Variants in CRYBG2 observed in about 807,000 individuals in gnomAD.
CRYBG2 encodes beta/gamma crystallin domain-containing protein 2.
A neutral mutation model predicts 153.4 loss-of-function variants in CRYBG2; 106 were observed. The observed-to-expected ratio is 0.69, with a 90% confidence interval of 0.59 to 0.81. The LOEUF is 0.81. Ranked by LOEUF, CRYBG2 falls within the 30% of genes least tolerant of loss-of-function variation. The pLI is 0.00. For missense variants in CRYBG2, 1,996 were observed against 2,112.0 expected, an observed-to-expected ratio of 0.95 and a Z score of 1.08; for synonymous variants, 851 against 877.8, an observed-to-expected ratio of 0.97 and a Z score of 0.54.
At chr1:26,334,862 C>A (rs924226882) in intron 14 of CRYBG2, among the ~76,000 whole-genome samples, 11 of 152,054 alleles carry the variant, frequency 7.2e-5, no homozygotes, top group Non-Finnish European at 1.3e-4. Flanking sequence ...GCAGAGGCTG[C>A]AGTGAGCTGA....
At chr1:26,339,751 A>G (rs2124707533) in intron 5 of CRYBG2, among the ~76,000 whole-genome samples, 1 of 152,040 alleles carries the variant, frequency 6.6e-6, no homozygotes, top group East Asian at 1.9e-4. Context: ...CAAAAAAAAA[A>G]AAGAAAGAAA....
chr1:26,330,979 C>T (rs1348433733), intron 15 of CRYBG2, among the ~76,000 whole-genome samples: 1 of 152,200 alleles, frequency 6.6e-6, no homozygotes, highest in Non-Finnish European at 1.5e-5. Flanking sequence ...CCCGTCACTT[C>T]CATCCATCTC....
In CRYBG2 at chr1:26,337,266, C is replaced by T; in HGVS notation, c.3758G>A (p.Arg1253Gln). The change falls in exon 10 of 20, where the codon CGG becomes CAG. Residue 1253 changes from arginine to glutamine, a missense_variant. Transcript: ENST00000308182. The stretch of plus-strand genomic sequence containing the variant: ...GCCTTTGCTTACCGTCCGGATGACC[C>T]GGAGGGAGGTCAGCAACTCGTCATA... ...GGYDELLTSL[R>Q]VIRTDFGDPA... 1.2e-6 allele frequency: 2 copies of T among 1,614,054 alleles called. No individual in the cohort carries two copies. Among genetic ancestry groups the T allele is most frequent in the Non-Finnish European group, 1.7e-6 (2 of 1,179,970 alleles).
At chr1:26,351,205 G>C (rs1229887138) in intron 1 of CRYBG2, among the ~76,000 whole-genome samples, 1 of 152,052 alleles carries the variant, frequency 6.6e-6, no homozygotes, top group Non-Finnish European at 1.5e-5. Context: ...CCACTCCCCT[G>C]TCCCCATTAG....
chr1:26,343,829 C>A lies in CRYBG2; in HGVS notation c.2829G>T (p.Lys943Asn). The A allele has an allele frequency of 1.4e-6, 2 of 1,466,378 alleles. No individual in the cohort carries two copies. Among genetic ancestry groups the A allele is most frequent in the Non-Finnish European group, 1.8e-6 (2 of 1,106,266 alleles). 90.8% of individuals were successfully genotyped at this position (1,466,378 alleles called of 1,614,324 possible). Reference sequence around the variant, plus strand: ...AAAGCAGGGGCAACTGTCCTGGCACCTTCCTGAGCCCCGGTGCCCCATGGG... The same window carrying A: ...AAAGCAGGGGCAACTGTCCTGGCACATTCCTGAGCCCCGGTGCCCCATGGG... ...LLPHGAPGLR[K>N]VPGQLPLLCS... The change falls in exon 2 of 20, where the codon AAG becomes AAT. Residue 943 changes from lysine to asparagine, a missense_variant. By Grantham distance (94) the Lys-to-Asn change is moderately conservative. Transcript: ENST00000308182. The surrounding 1 kb of genome is among the most constrained non-coding windows in gnomAD (Gnocchi z 4.1).
chr1:26,344,958 T>A lies in CRYBG2; in HGVS notation c.1700A>T (p.Gln567Leu), dbSNP rs1014906070. The A allele has an allele frequency of 2.0e-6, 3 of 1,535,372 alleles. No homozygotes were observed. The African/African-American group carries it at 4.2e-5, about 21-fold the overall frequency. ...CAAGGCAGCAGGAGCACCAGACCCCTGCACCACCTCCTTCTGGGTGGGGGA... is the reference window on the plus strand; with the variant it reads ...CAAGGCAGCAGGAGCACCAGACCCCAGCACCACCTCCTTCTGGGTGGGGGA... Reference protein sequence around the residue: ...ASSPTQKEVVQGSGAPAALST... With the variant: ...ASSPTQKEVVLGSGAPAALST... Residue 567 changes from glutamine to leucine, a missense_variant, in exon 2 of 20, where the codon CAG (glutamine) becomes CTG (leucine). Physicochemically the swap from Gln to Leu is moderately radical, Grantham distance 113. Transcript: ENST00000308182.
At position 26,343,845 on chromosome 1, in the gene CRYBG2, G is replaced by T. The variant is rs1352544258; in HGVS notation, c.2813C>A (p.Ala938Glu). 9 of 1,474,672 alleles carry T rather than the reference G, an allele frequency of 6.1e-6. No individual in the cohort carries two copies. Among genetic ancestry groups the T allele is most frequent in the Admixed American group, 5.1e-5 (2 of 39,112 alleles). The allele number at this position is 1,474,672 out of a possible 1,614,324, so 91.3% of individuals were successfully genotyped here. The change falls in exon 2 of 20, where the codon GCA becomes GAA. Residue 938 changes from alanine to glutamate, a missense_variant. By Grantham distance (107) the Ala-to-Glu change is moderately radical (BLOSUM62 -1). Transcript: ENST00000308182. The surrounding 1 kb of genome is among the most constrained non-coding windows in gnomAD (Gnocchi z 4.1). ...TCCTGGCACCTTCCTGAGCCCCGGT[G>T]CCCCATGGGGCAGCAGAGCAGATAG... ...TKLSALLPHG[A>E]PGLRKVPGQL...
chr1:26,346,534 C>G lies in CRYBG2; in HGVS notation c.124G>C (p.Val42Leu), dbSNP rs371078591. 1.9e-6 allele frequency: 3 copies of G among 1,613,080 alleles called. No homozygotes were observed. The African/African-American group carries it at 4.0e-5, about 22-fold the overall frequency. The change falls in exon 2 of 20, where the codon GTG becomes CTG. Residue 42 changes from valine to leucine, a missense_variant. Transcript: ENST00000308182. This position sits in a 1 kb window ranked among gnomAD's most constrained non-coding sequence, Gnocchi z 4.9. Reference sequence around the variant, plus strand: ...GGGGCTTCCATCTGGGCCCCTGACACCAGGGACACCTTGTGAAAACCATGT... The same window carrying G: ...GGGGCTTCCATCTGGGCCCCTGACAGCAGGGACACCTTGTGAAAACCATGT... Reference protein sequence around the residue: ...IKHGFHKVSLVSGAQMEAPQK... With the variant: ...IKHGFHKVSLLSGAQMEAPQK...
intron 18 of CRYBG2, among the ~76,000 whole-genome samples, chr1:26,323,860 G>C (rs561859439): frequency 6.6e-6 from 1 of 152,168 alleles, no homozygotes; most frequent in Non-Finnish European, 1.5e-5. Flanking sequence ...TTATAGGCAT[G>C]AGCCACCATG....
In CRYBG2 at chr1:26,336,708, GC is replaced by G; in HGVS notation, c.3935del (p.Gly1312AlafsTer199). 6.3e-7 allele frequency: 1 copy of G among 1,577,448 alleles called. No homozygotes were observed. The highest frequency in any genetic ancestry group is 8.6e-7 in the Non-Finnish European group (1 of 1,161,290). ...CCAGCACGTACTGTTCCCCGGAGAA[GC>G]CCACCTCCTGGTAGGCCACCCACCT... ...SGVWVAYQEV[G>X]FSGEQYVLEK... On this transcript the variant is annotated frameshift_variant, in exon 12 of 20. Transcript: ENST00000308182. LOFTEE classifies it high-confidence loss of function. This position sits in a 1 kb window ranked among gnomAD's most constrained non-coding sequence, Gnocchi z 4.9.
intron 5 of CRYBG2, among the ~76,000 whole-genome samples, 181 bp downstream of exon 5, chr1:26,342,573 T>C (rs2074143642): frequency 6.6e-6 from 1 of 152,218 alleles, no homozygotes; most frequent in Non-Finnish European, 1.5e-5. Flanking sequence ...CTAATTTTTG[T>C]ATTTTTAGTA....
In CRYBG2 at chr1:26,336,970, T is replaced by C; in HGVS notation, c.3782A>G (p.Asp1261Gly). ...GGCCTCAAATAGCACGACGGCCGGGTCCCCGAAGTCCTGGGTCCCCAGGGA... is the reference window on the plus strand; with the variant it reads ...GGCCTCAAATAGCACGACGGCCGGGCCCCCGAAGTCCTGGGTCCCCAGGGA... ...SLRVIRTDFG[D>G]PAVVLFEAMD... The change falls in exon 11 of 20, where the codon GAC becomes GGC. Residue 1261 changes from aspartate (D) to glycine (G), a missense_variant. Asp to Gly is a moderately conservative substitution (Grantham distance 94). Coordinates refer to ENST00000308182, the MANE Select transcript of CRYBG2 (RefSeq NM_001039775.4). This position sits in a 1 kb window ranked among gnomAD's most constrained non-coding sequence, Gnocchi z 4.9. The C allele has an allele frequency of 6.2e-7, 1 of 1,613,326 alleles. No homozygotes were observed. The highest frequency in any genetic ancestry group is 8.5e-7 in the Non-Finnish European group (1 of 1,179,816).
chr1:26,339,225 C>T (rs2074099014), intron 6 of CRYBG2, 65 bp downstream of exon 6: 1 of 1,556,828 alleles, frequency 6.4e-7, no homozygotes, highest in Admixed American at 1.9e-5. Flanking sequence ...TCTGTCACCT[C>T]TGTGTCCCCA....
chr1:26,343,312 A>ACTTCT lies in CRYBG2; in HGVS notation c.2914-20_2914-19insAGAAG. ...CTGGGCTCTGAAACGGAGGCAGGTGATAAAGAAGTCCTGTGGGGTCACCTC... is the reference window on the plus strand; with the variant it reads ...CTGGGCTCTGAAACGGAGGCAGGTGACTTCTTAAAGAAGTCCTGTGGGGTCACCTC... On this transcript the variant is annotated intron_variant, in intron 2 of 19. Coordinates refer to ENST00000308182, the MANE Select transcript of CRYBG2 (RefSeq NM_001039775.4). This position sits in a 1 kb window ranked among gnomAD's most constrained non-coding sequence, Gnocchi z 4.1. 6.5e-7 allele frequency: 1 copy of ACTTCT among 1,549,960 alleles called. No homozygotes were observed.
At position 26,339,476 on chromosome 1, in the gene CRYBG2, G is replaced by A. The variant is rs375148297; in HGVS notation, c.3205-47C>T. On this transcript the variant is annotated intron_variant, in intron 5 of 19. Coordinates refer to ENST00000308182, the MANE Select transcript of CRYBG2 (RefSeq NM_001039775.4). ...TAAATATAGATAAACAGCCAGGCGT[G>A]GTGGCTCACGCCTGTAATCCCAGCA... 5.0e-6 allele frequency: 8 copies of A among 1,603,602 alleles called. No homozygotes were observed. The African/African-American group carries it at 9.4e-5, about 19-fold the overall frequency.
At position 26,345,888 on chromosome 1, in the gene CRYBG2, G is replaced by A. The variant is rs200161530; in HGVS notation, c.770C>T (p.Thr257Met). 617 of 1,597,694 alleles carry A rather than the reference G, an allele frequency of 3.9e-4. No individual in the cohort carries two copies. Among genetic ancestry groups the A allele is most frequent in the Non-Finnish European group, 4.6e-4 (545 of 1,179,598 alleles). Reference protein sequence around the residue: ...SPPASHLPRPTAGGPRSTGLG... With the variant: ...SPPASHLPRPMAGGPRSTGLG... The stretch of plus-strand genomic sequence containing the variant: ...ACCTGTGCTCCTTGGCCCGCCAGCC[G>A]TGGGCCTGGGCAGGTGACTGGCAGG... Residue 257 changes from threonine to methionine, a missense_variant, in exon 2 of 20, where the codon ACG becomes ATG. Thr to Met is a moderately conservative substitution (Grantham distance 81). Transcript: ENST00000308182.
Position 26,336,499 on chromosome 1 carries a change from G to C in CRYBG2, c.4038+107C>G, listed in dbSNP as rs750016974. 7.8e-6 allele frequency: 12 copies of C among 1,544,570 alleles called. No homozygotes were observed. The highest frequency in any genetic ancestry group is 5.9e-5 in the Admixed American group (3 of 50,616). ...GCCCCCTTCTAAGGCCCCGCCCCAA[G>C]CGCCCAGGCAGGTCCTCCAGCCCGC... On this transcript the variant is annotated intron_variant, in intron 12 of 19. Coordinates refer to ENST00000308182, the MANE Select transcript of CRYBG2 (RefSeq NM_001039775.4). The surrounding 1 kb of genome is among the most constrained non-coding windows in gnomAD (Gnocchi z 4.9).
rs1051199432 is a variant in CRYBG2 at position 26,325,767 on chromosome 1, A to G, written c.4579-1457T>C. The stretch of plus-strand genomic sequence containing the variant: ...CCATGGCCTTACCATTTATCTGCAC[A>G]TGTGCATTAATGATACTGATGTTCA... On this transcript the variant is annotated intron_variant, in intron 17 of 19. Transcript: ENST00000308182. This position sits in a 1 kb window ranked among gnomAD's most constrained non-coding sequence, Gnocchi z 4.1. Among the ~76,000 whole-genome samples the G allele has an allele frequency of 2.0e-5, 3 of 152,218 alleles. No homozygotes were observed. The highest frequency in any genetic ancestry group is 4.1e-4 in the South Asian group (2 of 4,826).
rs2073961431 is a variant in CRYBG2, at chr1:26,328,643, G to A, written c.4454+91C>T. The A allele has an allele frequency of 2.7e-6, 4 of 1,503,610 alleles. No individual in the cohort carries two copies. In the East Asian group the frequency reaches 9.1e-5, roughly 34 times the overall value. The allele number at this position is 1,503,610 out of a possible 1,614,324, so 93.1% of individuals were successfully genotyped here. ...GGGGAGTGGGGGAAAAGTGGGGAGG[G>A]GAAAGAGGCCAGAGACCCCCAGGAT... On this transcript the variant is annotated intron_variant, in intron 16 of 19. Coordinates refer to ENST00000308182, the MANE Select transcript of CRYBG2 (RefSeq NM_001039775.4).
Sources: gnomAD v4.1 joint callset for allele counts (sites outside exome capture counted in the v4.1 genomes callset) on GRCh38, gnomAD v4.1.1 for gene constraint, Gnocchi (gnomAD v3.1) non-coding constraint, MANE v1.5 for transcripts, NCBI Gene and HGNC (gene_info 2026-07-23, HGNC 2026-07-21) for gene names.